The following CDIP1 variants were observed in gnomAD, a reference collection of about 807,000 sequenced individuals.
CDIP1 encodes the protein cell death-inducing p53-target protein 1.
A neutral mutation model predicts 17.7 loss-of-function variants in CDIP1; 9 were observed. The observed-to-expected ratio is 0.51, with a 90% CI of 0.31 to 0.89. The LOEUF (loss-of-function observed/expected upper bound fraction) is 0.89, where lower values mean the gene tolerates loss of function less well. Among genes scored for constraint, CDIP1 ranks in the 40% least tolerant of loss-of-function variants. The pLI is 0.05. For missense variants in CDIP1, 263 were observed against 277.9 expected (o/e 0.95, Z 0.38); for synonymous variants, 117 against 109.5 (o/e 1.07, Z -0.43).
At chr16:4,527,338 C>T (rs2059011063) in intron 1 of CDIP1, among the ~76,000 whole-genome samples, 1 of 152,096 alleles carries the variant, frequency 6.6e-6, no homozygotes, top group African/African-American at 2.4e-5. Flanking sequence ...CCACCTGCCT[C>T]GGCCTCCCAA....
chr16:4,510,800 C>G lies in CDIP1; in HGVS notation c.*1772G>C, dbSNP rs1210932720. 6.6e-6 allele frequency: 1 copy of G among 152,194 alleles called. No homozygotes were observed. The highest frequency in any genetic ancestry group is 1.5e-5 in the Non-Finnish European group (1 of 68,036). The allele number at this position is 152,194 out of a possible 1,614,324, so 9.4% of individuals were successfully genotyped here. A position where few individuals can be genotyped will look rare whatever the true frequency, so the allele number is the denominator to read the frequency against. ...GTAGGGAAACTCTTTAAACTACTGACCAAGACTGCCACCTTCATAATTCAG... is the reference window on the plus strand; with the variant it reads ...GTAGGGAAACTCTTTAAACTACTGAGCAAGACTGCCACCTTCATAATTCAG... On this transcript the variant is annotated 3_prime_UTR_variant, in exon 6 of 6. Transcript: ENST00000567695.
chr16:4,516,088 C>T lies in CDIP1; in HGVS notation c.-104-1424G>A, dbSNP rs190201254. Among the ~76,000 whole-genome samples the T allele has an allele frequency of 8.7e-4, 133 of 152,226 alleles. 3 individuals are homozygous for T. The highest frequency in any genetic ancestry group is 1.1e-3 in the Admixed American group (17 of 15,280). On this transcript the variant is annotated intron_variant, in intron 1 of 5. Transcript: ENST00000567695. Reference sequence around the variant, plus strand: ...GCTGCCCAGACAATGGAAGACGATTCGGCTATAAAAAGGAAGGAAGCACTG... The same window carrying T: ...GCTGCCCAGACAATGGAAGACGATTTGGCTATAAAAAGGAAGGAAGCACTG...
chr16:4,532,063 C>G (rs1453016895), intron 1 of CDIP1, among the ~76,000 whole-genome samples: 2 of 152,232 alleles, frequency 1.3e-5, no homozygotes, highest in Admixed American at 6.5e-5. Context: ...GGTCTTTGCT[C>G]TGCTAGTTGA....
intron 1 of CDIP1, among the ~76,000 whole-genome samples, chr16:4,525,565 C>A (rs1055773838): frequency 6.6e-6 from 1 of 152,194 alleles, no homozygotes; most frequent in Non-Finnish European, 1.5e-5. Context: ...CTCCACCATG[C>A]CCTATCCAAA....
At chr16:4,517,073 G>A (rs1292249601) in intron 1 of CDIP1, among the ~76,000 whole-genome samples, 1 of 152,146 alleles carries the variant, frequency 6.6e-6, no homozygotes, top group African/African-American at 2.4e-5. Flanking sequence ...TGAAATACAA[G>A]AGAACACCTC....
In CDIP1 at chr16:4,519,361, C is replaced by G. The variant is rs576062310; in HGVS notation, c.-104-4697G>C. On this transcript the variant is annotated intron_variant, in intron 1 of 5. Coordinates refer to ENST00000567695, the MANE Select transcript of CDIP1 (RefSeq NM_013399.3). ...TAGTGGCATTCAAGTCTGATGCTAC[C>G]GTGTCAGATCCCACAGGTTGAGGGC... Among the ~76,000 whole-genome samples, 206 of 152,352 alleles carry G rather than the reference C, an allele frequency of 1.4e-3. 9 individuals carry two copies. In the South Asian group the frequency reaches 0.041, roughly 30 times the overall value.
chr16:4,516,192 C>T (rs2058885697), intron 1 of CDIP1, among the ~76,000 whole-genome samples: 1 of 152,136 alleles, frequency 6.6e-6, no homozygotes, highest in Non-Finnish European at 1.5e-5. Context: ...TATGATTTCA[C>T]TTATATGAAA....
chr16:4,513,801 G>C lies in CDIP1; in HGVS notation c.136C>G (p.Pro46Ala). The change falls in exon 4 of 6, where the codon CCT (proline) becomes GCT (alanine). Residue 46 changes from proline to alanine, a missense_variant. Physicochemically the swap from Pro to Ala is conservative, Grantham distance 27. Transcript: ENST00000567695. This position sits in a 1 kb window ranked among gnomAD's most constrained non-coding sequence, Gnocchi z 4.1. ...TAGGGTGGGGGGCCAATGTCCGCAG[G>C]GGGCAGTGGCATGCCTGGAGGGGGC... ...MQPPPGMPLP[P>A]ADIGPPPYEP... 1 of 1,598,680 alleles carries C rather than the reference G, an allele frequency of 6.3e-7. No individual in the cohort carries two copies. Among genetic ancestry groups the C allele is most frequent in the Non-Finnish European group, 8.5e-7 (1 of 1,169,770 alleles).
Position 4,513,627 on chromosome 16 carries a change from G to T in CDIP1, c.241+69C>A. 1 of 1,418,972 alleles carries T rather than the reference G, an allele frequency of 7.0e-7. No homozygotes were observed. 87.9% of individuals were successfully genotyped at this position (1,418,972 alleles called of 1,614,324 possible). A position where few individuals can be genotyped will look rare whatever the true frequency, so the allele number is the denominator to read the frequency against. ...ACAGCAGATGCCCACCTGTACTGAGGACAGCCAGCGCAGGCCAGACAGCAG... is the reference window on the plus strand; with the variant it reads ...ACAGCAGATGCCCACCTGTACTGAGTACAGCCAGCGCAGGCCAGACAGCAG... On this transcript the variant is annotated intron_variant, in intron 4 of 5. Transcript: ENST00000567695. The surrounding 1 kb of genome is among the most constrained non-coding windows in gnomAD (Gnocchi z 4.1).
At chr16:4,529,671 A>T (rs1369021492) in intron 1 of CDIP1, among the ~76,000 whole-genome samples, 1 of 152,222 alleles carries the variant, frequency 6.6e-6, no homozygotes, top group Non-Finnish European at 1.5e-5. Context: ...TAAGTGCTCA[A>T]AATGGAGCCC....
Position 4,513,114 on chromosome 16 carries a change from C to T in CDIP1, c.242-50G>A, listed in dbSNP as rs1355408744. The T allele has an allele frequency of 1.3e-5, 19 of 1,505,746 alleles. No homozygotes were observed. Among genetic ancestry groups the T allele is most frequent in the South Asian group, 2.6e-5 (2 of 77,794 alleles). 93.3% of individuals were successfully genotyped at this position (1,505,746 alleles called of 1,614,324 possible). A position where few individuals can be genotyped will look rare whatever the true frequency, so the allele number is the denominator to read the frequency against. ...CGAGAGGTCACTGGCCTGCCACCTG[C>T]ACCAGACAAAGAGATTGGCGCAAAG... On this transcript the variant is annotated intron_variant, in intron 4 of 5. Transcript: ENST00000567695. This position sits in a 1 kb window ranked among gnomAD's most constrained non-coding sequence, Gnocchi z 4.1.
At chr16:4,523,302 T>C (rs1334576876) in intron 1 of CDIP1, among the ~76,000 whole-genome samples, 2 of 152,014 alleles carry the variant, frequency 1.3e-5, no homozygotes, top group Non-Finnish European at 2.9e-5. Flanking sequence ...GATTACGAGG[T>C]CCAGAGATCG....
In CDIP1 at chr16:4,513,748, C is replaced by G. The variant is rs1258189167; in HGVS notation, c.189G>C (p.Gln63His). Residue 63 changes from glutamine to histidine, a missense_variant, in exon 4 of 6, where the codon CAG becomes CAC. Gln to His is a conservative substitution (Grantham distance 24). Coordinates refer to ENST00000567695, the MANE Select transcript of CDIP1 (RefSeq NM_013399.3). This position sits in a 1 kb window ranked among gnomAD's most constrained non-coding sequence, Gnocchi z 4.1. ...PYEPPGHPMP[Q>H]PGFIPPHMSA... Reference sequence around the variant, plus strand: ...TCATGTGTGGTGGGATGAAGCCAGGCTGGGGCATTGGGTGACCCGGCGGCT... The same window carrying G: ...TCATGTGTGGTGGGATGAAGCCAGGGTGGGGCATTGGGTGACCCGGCGGCT... 1.9e-6 allele frequency: 3 copies of G among 1,613,652 alleles called. No homozygotes were observed. Among genetic ancestry groups the G allele is most frequent in the Non-Finnish European group, 2.5e-6 (3 of 1,179,718 alleles).
intron 1 of CDIP1, among the ~76,000 whole-genome samples, chr16:4,536,007 G>T (rs1487293133): frequency 6.6e-6 from 1 of 152,186 alleles, no homozygotes; most frequent in African/African-American, 2.4e-5. Flanking sequence ...TGTCACCACT[G>T]CCGGCCTGGC....
At chr16:4,533,864 T>C (rs2059079497) in intron 1 of CDIP1, among the ~76,000 whole-genome samples, 1 of 152,150 alleles carries the variant, frequency 6.6e-6, no homozygotes, top group Non-Finnish European at 1.5e-5. Flanking sequence ...CCCACTTGTA[T>C]TGTTGGGCCC....
intron 1 of CDIP1, among the ~76,000 whole-genome samples, chr16:4,537,347 A>T (rs562424897): frequency 6.6e-6 from 1 of 152,180 alleles, no homozygotes; most frequent in South Asian, 2.1e-4. Context: ...GTAGAGGGGG[A>T]GTCTTCTGAG....
intron 1 of CDIP1, among the ~76,000 whole-genome samples, chr16:4,521,504 A>C (rs910597252): frequency 3.3e-5 from 5 of 152,038 alleles, no homozygotes; most frequent in African/African-American, 1.2e-4. Flanking sequence ...TGTTCTGGCA[A>C]GGCCCCACCC....
chr16:4,524,975 C>A lies in CDIP1; in HGVS notation c.-104-10311G>T, dbSNP rs149636189. Among the ~76,000 whole-genome samples the A allele has an allele frequency of 7.3e-3, 1,117 of 152,180 alleles. 13 individuals are homozygous for A. Among genetic ancestry groups the A allele is most frequent in the African/African-American group, 0.024 (999 of 41,502 alleles). The stretch of plus-strand genomic sequence containing the variant: ...AATTAGCCAGGTATGGTGATAGACA[C>A]CTGTGGTCCCAGCTACTTGGGAGGC... On this transcript the variant is annotated intron_variant, in intron 1 of 5. Transcript: ENST00000567695.
At chr16:4,521,689 GTCA>G (rs1254265004) in intron 1 of CDIP1, among the ~76,000 whole-genome samples, 2 of 132,846 alleles carry the variant, frequency 1.5e-5, no homozygotes, top group Non-Finnish European at 3.1e-5. Flanking sequence ...ATGGCAAGAC[GTCA>G]TCAATATTAA....
Sources: gnomAD v4.1 joint callset for allele counts (sites outside exome capture counted in the v4.1 genomes callset) on GRCh38, gnomAD v4.1.1 for gene constraint, Gnocchi (gnomAD v3.1) non-coding constraint, MANE v1.5 for transcripts, NCBI Gene and HGNC (gene_info 2026-07-23, HGNC 2026-07-21) for gene names.